The following ANO1 variants were observed in gnomAD, a reference collection of about 807,000 sequenced individuals.
ANO1 encodes anoctamin-1.
In ANO1, 59 loss-of-function variants were observed where a neutral mutation model predicts 124.0. That is an observed-to-expected ratio of 0.48 (90% CI 0.39 to 0.59). ANO1 has a LOEUF of 0.59. Among genes scored for constraint, ANO1 ranks in the 20% least tolerant of loss-of-function variants. The pLI is 0.00. For synonymous variants in ANO1, 529 were observed against 532.0 expected, an observed-to-expected ratio of 0.99 and a Z score of 0.08; for missense variants, 1,059 against 1,328.0, an observed-to-expected ratio of 0.80 and a Z score of 3.15.
chr11:70,142,130 A>G (rs146066434), intron 11 of ANO1, among the ~76,000 whole-genome samples: 50 of 152,354 alleles, frequency 3.3e-4, no homozygotes, highest in African/African-American at 1.1e-3. Context: ...CTATTTAGCT[A>G]TTCACTTGGA....
intron 2 of ANO1, among the ~76,000 whole-genome samples, chr11:70,102,607 G>A (rs373574652): frequency 1.3e-4 from 20 of 152,226 alleles, no homozygotes; most frequent in African/African-American, 3.6e-4. Context: ...ATGCCCAGAG[G>A]GGGGACCATC....
In ANO1 at chr11:70,148,354, C is replaced by G. The variant is rs560083304; in HGVS notation, c.1259-1356C>G. On this transcript the variant is annotated intron_variant, in intron 11 of 25. Coordinates refer to ENST00000355303, the MANE Select transcript of ANO1 (RefSeq NM_018043.7). Reference sequence around the variant, plus strand: ...CTTAAATCACACTGATACTTCCTCACTGATACTCCCAGTCTGATTATTAGA... The same window carrying G: ...CTTAAATCACACTGATACTTCCTCAGTGATACTCCCAGTCTGATTATTAGA... Among the ~76,000 whole-genome samples, 4 of 152,306 alleles carry G rather than the reference C, an allele frequency of 2.6e-5. No homozygotes were observed. The East Asian group carries it at 5.8e-4, about 22-fold the overall frequency.
At chr11:70,061,500 C>T (rs1555007747) in intron 1 of ANO1, among the ~76,000 whole-genome samples, 1 of 143,952 alleles carries the variant, frequency 6.9e-6, no homozygotes, top group African/African-American at 2.5e-5. Context: ...CTCTCTTTCT[C>T]TCTCTCTCCC....
chr11:70,087,844 G>A lies in ANO1; in HGVS notation c.201G>A (p.Val67=), dbSNP rs1247259235. 2.5e-6 allele frequency: 4 copies of A among 1,613,070 alleles called. No homozygotes were observed. Among genetic ancestry groups the A allele is most frequent in the Non-Finnish European group, 3.4e-6 (4 of 1,179,764 alleles). Residue 67 remains valine, a synonymous_variant, in exon 2 of 26, where the codon GTG becomes GTA. Transcript: ENST00000355303. Reference sequence around the variant, plus strand: ...GGCGCAAGGTGGACTACATCCTGGTGTACCATCACAAGAGGCCCTCGGGCA... The same window carrying A: ...GGCGCAAGGTGGACTACATCCTGGTATACCATCACAAGAGGCCCTCGGGCA... ...DGRRKVDYIL[V]YHHKRPSGNR...
rs1247500578 is a variant in ANO1, at chr11:70,182,497, C to A, written c.2404-5C>A. On this transcript the variant is annotated splice_polypyrimidine_tract_variant and splice_region_variant and intron_variant, in intron 23 of 25. Coordinates refer to ENST00000355303, the MANE Select transcript of ANO1 (RefSeq NM_018043.7). The stretch of plus-strand genomic sequence containing the variant: ...GTCCCCCTCACTGCCATGTCCCCTG[C>A]ACAGGCCTTCGTGATCTCCTTCACG... The A allele has an allele frequency of 6.4e-7, 1 of 1,568,320 alleles. No individual in the cohort carries two copies. The highest frequency in any genetic ancestry group is 1.2e-5 in the South Asian group (1 of 83,090).
intron 1 of ANO1, among the ~76,000 whole-genome samples, chr11:70,010,181 A>ATATATATATGTATATG (rs1555000866): frequency 1.9e-5 from 1 of 51,660 alleles, no homozygotes; most frequent in African/African-American, 6.1e-5. Flanking sequence ...GTGTGTGTGT[A>ATATATATATGTATATG]TATATATATA....
chr11:70,104,330 G>A (rs1381111944), intron 4 of ANO1, among the ~76,000 whole-genome samples, 180 bp downstream of exon 4: 2 of 152,204 alleles, frequency 1.3e-5, no homozygotes, highest in Non-Finnish European at 2.9e-5. Flanking sequence ...ACCGTTAACT[G>A]ATGAGTTAGG....
At chr11:70,136,937 G>A (rs1207760745) in intron 11 of ANO1, among the ~76,000 whole-genome samples, 5 of 147,302 alleles carry the variant, frequency 3.4e-5, no homozygotes, top group African/African-American at 1.2e-4. Context: ...AGTGAGACAC[G>A]CTGAGCTGGG....
At chr11:70,133,540 C>T (rs1283360125) in intron 11 of ANO1, among the ~76,000 whole-genome samples, 3 of 152,220 alleles carry the variant, frequency 2.0e-5, no homozygotes, top group African/African-American at 4.8e-5. Context: ...CAGCACCCAG[C>T]TCTGGGGTCT....
In ANO1 at chr11:70,078,516, G is replaced by A; in HGVS notation, c.-91G>A. 8 of 738,418 alleles carry A rather than the reference G, an allele frequency of 1.1e-5. No homozygotes were observed. Among genetic ancestry groups the A allele is most frequent in the Non-Finnish European group, 1.2e-5 (7 of 569,302 alleles). The allele number at this position is 738,418 out of a possible 1,614,324, so 45.7% of individuals were successfully genotyped here. On this transcript the variant is annotated 5_prime_UTR_variant, in exon 1 of 26. Coordinates refer to ENST00000355303, the MANE Select transcript of ANO1 (RefSeq NM_018043.7). ...AGGCCCGGCCCCCTGCGAGCGCGCC[G>A]CGAACGCTGCGGTCTCCGCCCGCAG...
chr11:70,111,610 C>G, intron 6 of ANO1, 97 bp from the exon 7 acceptor site: 1 of 1,202,296 alleles, frequency 8.3e-7, no homozygotes, highest in Admixed American at 1.7e-5. Context: ...TTGAGAAGCT[C>G]TTAGTGGCTG....
chr11:70,066,862 C>T (rs1363296827), intron 1 of ANO1, among the ~76,000 whole-genome samples: 2 of 152,108 alleles, frequency 1.3e-5, no homozygotes, highest in African/African-American at 4.8e-5. Context: ...TGGTTGCTGC[C>T]AGCCAGGCCC....
chr11:70,079,894 G>C (rs1466067409), intron 1 of ANO1, among the ~76,000 whole-genome samples: 1 of 152,220 alleles, frequency 6.6e-6, no homozygotes, highest in Non-Finnish European at 1.5e-5. Flanking sequence ...GTGGCCTGGG[G>C]GCATCTCTTC....
At chr11:70,125,958 T>C in intron 9 of ANO1, 103 bp from the exon 10 acceptor site, 2 of 1,383,562 alleles carry the variant, frequency 1.4e-6, no homozygotes, top group Non-Finnish European at 9.8e-7. Flanking sequence ...AGGGAACCAG[T>C]GCCCCTGGTT....
chr11:69,966,646 G>A, the ANO1 span, among the ~76,000 whole-genome samples: 3 of 152,142 alleles, frequency 2.0e-5, no homozygotes, highest in Non-Finnish European at 4.4e-5. Flanking sequence ...CTGCTGGCAG[G>A]TAAGGATGGG....
At chr11:70,064,826 C>T (rs1205898726) in intron 1 of ANO1, 1 of 152,148 alleles carries the variant, frequency 6.6e-6, no homozygotes, top group East Asian at 1.9e-4. Flanking sequence ...CTGTGAGTCT[C>T]ACTGGCAGAT....
intron 10 of ANO1, among the ~76,000 whole-genome samples, chr11:70,127,705 A>AG (rs2046579585): frequency 1.3e-5 from 2 of 152,220 alleles, no homozygotes; most frequent in African/African-American, 4.8e-5. Flanking sequence ...GCCAAAAAAA[A>AG]AAAGAGTCAA....
At chr11:69,985,277 C>T (rs1856014673), upstream of ANO1, among the ~76,000 whole-genome samples, 1 of 150,022 alleles carries the variant, frequency 6.7e-6, no homozygotes, top group Admixed American at 6.7e-5. Flanking sequence ...CTTTGAAACC[C>T]TTCTCACTTT....
intron 12 of ANO1, among the ~76,000 whole-genome samples, chr11:70,150,084 C>A (rs2047543361): frequency 2.0e-5 from 3 of 152,342 alleles, no homozygotes; most frequent in Admixed American, 6.5e-5. Context: ...CCAGGGCTCA[C>A]CACACTGACC....
Sources: allele counts gnomAD v4.1 joint callset (sites outside exome capture counted in the v4.1 genomes callset), GRCh38; gene constraint gnomAD v4.1.1; transcripts MANE v1.5; gene names NCBI Gene and HGNC (gene_info 2026-07-23, HGNC 2026-07-21).